ARHGEF37: variants seen among roughly 807,000 people sequenced by gnomAD.
ARHGEF37 encodes Rho guanine nucleotide exchange factor (GEF) 37.
A neutral mutation model predicts 71.1 loss-of-function variants in ARHGEF37; 55 were observed. The observed-to-expected ratio is 0.77, with a 90% CI of 0.62 to 0.97. The LOEUF (loss-of-function observed/expected upper bound fraction) is 0.97. Among genes scored for constraint, ARHGEF37 ranks in the 50% least tolerant of loss-of-function variants. The pLI, the probability that ARHGEF37 is intolerant of heterozygous loss-of-function variation, is 0.00. For synonymous variants in ARHGEF37, 327 were observed against 350.6 expected (o/e 0.93, Z 0.75); for missense variants, 765 against 836.8 (o/e 0.91, Z 1.06).
chr5:149,614,525 G>A (rs759963219), intron 4 of ARHGEF37, among the ~76,000 whole-genome samples: 3 of 152,174 alleles, frequency 2.0e-5, no homozygotes, highest in African/African-American at 7.2e-5. Context: ...AGGAAAGTAC[G>A]CGGTCATCTC....
intron 1 of ARHGEF37, among the ~76,000 whole-genome samples, chr5:149,553,534 G>A (rs1010262836): frequency 6.6e-6 from 1 of 152,022 alleles, no homozygotes; most frequent in Non-Finnish European, 1.5e-5. Context: ...GGATTCCTCA[G>A]CTTGAGGAGT....
At chr5:149,616,383 C>T (rs982564836) in intron 4 of ARHGEF37, among the ~76,000 whole-genome samples, 184 bp from the exon 5 acceptor site, 2 of 152,140 alleles carry the variant, frequency 1.3e-5, no homozygotes, top group Admixed American at 6.6e-5. Context: ...GGCCCAGAAC[C>T]GTCACTGCCT....
At chr5:149,578,141 G>A (rs558789201), upstream of ARHGEF37, among the ~76,000 whole-genome samples, 1 of 152,128 alleles carries the variant, frequency 6.6e-6, no homozygotes, top group Non-Finnish European at 1.5e-5. Context: ...TACTAATCCA[G>A]TTCTCTAGCC....
intron 1 of ARHGEF37, among the ~76,000 whole-genome samples, chr5:149,568,503 C>G (rs1431137379): frequency 6.6e-6 from 1 of 152,066 alleles, no homozygotes; most frequent in Non-Finnish European, 1.5e-5. Flanking sequence ...TTAACAAATG[C>G]ATGTACCCTT....
rs1762898793 is a variant in ARHGEF37, at chr5:149,566,396, C to T, written c.-12+14273C>T. Among the ~76,000 whole-genome samples the T allele has an allele frequency of 2.0e-5, 3 of 151,960 alleles. No individual in the cohort carries two copies. The South Asian group carries it at 6.2e-4, about 32-fold the overall frequency. ...CCTGTAATCCCAGCTACTCGGGAGG[C>T]TGAGGCAGGAGAATTCACTTGAGCC... On this transcript the variant is annotated intron_variant, in intron 1 of 2. Coordinates refer to the ARHGEF37 transcript ENST00000505810.
intron 3 of ARHGEF37, among the ~76,000 whole-genome samples, chr5:149,608,377 T>A (rs907727241): frequency 9.4e-5 from 14 of 149,532 alleles, no homozygotes; most frequent in South Asian, 2.1e-4. Context: ...GCAAACAAAT[T>A]TTTTTTTTTT....
At chr5:149,572,780 T>G (rs1762982900) in intron 1 of ARHGEF37, among the ~76,000 whole-genome samples, 1 of 152,218 alleles carries the variant, frequency 6.6e-6, no homozygotes, top group African/African-American at 2.4e-5. Flanking sequence ...GAAGGAATTC[T>G]GCCAAACTGA....
intron 1 of ARHGEF37, among the ~76,000 whole-genome samples, chr5:149,593,403 T>C (rs2895865): frequency 0.29 from 44,753 of 152,146 alleles, 7,077 homozygotes; most frequent in Admixed American, 0.44. Flanking sequence ...GGTCATTTCA[T>C]ATAAATGCAA....
intron 1 of ARHGEF37, among the ~76,000 whole-genome samples, chr5:149,552,838 A>AT (rs1762700888): frequency 6.6e-6 from 1 of 152,142 alleles, no homozygotes. Context: ...CAAAAAAAAA[A>AT]TAATTAATTA....
In ARHGEF37 at chr5:149,633,873, G is replaced by A. The variant is rs865943481; in HGVS notation, c.*1682G>A. 4 of 152,162 alleles carry A rather than the reference G, an allele frequency of 2.6e-5. No homozygotes were observed. Among genetic ancestry groups the A allele is most frequent in the African/African-American group, 7.2e-5 (3 of 41,452 alleles). The allele number at this position is 152,162 out of a possible 1,614,324, so 9.4% of individuals were successfully genotyped here. On this transcript the variant is annotated 3_prime_UTR_variant, in exon 13 of 13. Coordinates refer to ENST00000333677, the MANE Select transcript of ARHGEF37 (RefSeq NM_001001669.3). ...GACACAAGAGAAATGCAAGCCCTAC[G>A]GTTCCTTTCTCAGCAGCGAATTCAC...
chr5:149,598,263 C>CTCCTCTTCTTCTTCTTCTTCTTCTTCT (rs71587782), intron 2 of ARHGEF37, among the ~76,000 whole-genome samples: 3 of 67,692 alleles, frequency 4.4e-5, no homozygotes, highest in Non-Finnish European at 8.7e-5. Flanking sequence ...CTTAAACTGA[C>CTCCTCTTCTTCTTCTTCTTCTTCTTCT]TCTTCTTCTT....
At chr5:149,625,434 A>G (rs11741528) in intron 10 of ARHGEF37, among the ~76,000 whole-genome samples, 109,757 of 152,006 alleles carry the variant, frequency 0.72, 40,006 homozygotes, top group Middle Eastern at 0.87. Flanking sequence ...GAGATTCCCC[A>G]GAGGGAGAAT....
chr5:149,554,937 C>A (rs1414526569), intron 1 of ARHGEF37, among the ~76,000 whole-genome samples: 2 of 151,892 alleles, frequency 1.3e-5, no homozygotes, highest in African/African-American at 2.4e-5. Flanking sequence ...TCGAGACCAG[C>A]TGGCCAATAT....
At chr5:149,598,761 T>TAGATACATAG (rs1221841533) in intron 2 of ARHGEF37, among the ~76,000 whole-genome samples, 1 of 75,796 alleles carries the variant, frequency 1.3e-5, no homozygotes, top group African/African-American at 4.9e-5. Context: ...TATATATAGA[T>TAGATACATAG]ATAGATATAG....
intron 1 of ARHGEF37, among the ~76,000 whole-genome samples, chr5:149,562,794 T>C (rs1762850195): frequency 6.6e-6 from 1 of 152,216 alleles, no homozygotes; most frequent in South Asian, 2.1e-4. Flanking sequence ...ACACCACTGT[T>C]CTATGATGTA....
chr5:149,617,501 A>G (rs763415506), intron 5 of ARHGEF37, among the ~76,000 whole-genome samples: 3 of 152,244 alleles, frequency 2.0e-5, no homozygotes, highest in Non-Finnish European at 4.4e-5. Flanking sequence ...AATGTTTACT[A>G]AGGGCTAGCT....
intron 1 of ARHGEF37, among the ~76,000 whole-genome samples, chr5:149,560,243 G>C (rs1406275162): frequency 6.6e-6 from 1 of 152,090 alleles, no homozygotes; most frequent in Non-Finnish European, 1.5e-5. Flanking sequence ...AGCCTCCCAA[G>C]TAGTTGGGAT....
At chr5:149,624,302 G>A (rs4320246) in intron 10 of ARHGEF37, among the ~76,000 whole-genome samples, 162 bp downstream of exon 10, 10,847 of 152,122 alleles carry the variant, frequency 0.071, 1,269 homozygotes, top group African/African-American at 0.24. Flanking sequence ...GAGCTGGGGT[G>A]GGGGGACACA....
intron 3 of ARHGEF37, among the ~76,000 whole-genome samples, chr5:149,608,463 C>G (rs1290503498): frequency 6.6e-6 from 1 of 151,880 alleles, no homozygotes; most frequent in Admixed American, 6.6e-5. Flanking sequence ...CTCCGCCTCC[C>G]AGGTTCAAGC....
Sources: gnomAD v4.1 joint callset for allele counts (sites outside exome capture counted in the v4.1 genomes callset) on GRCh38, gnomAD v4.1.1 for gene constraint, MANE v1.5 for transcripts, NCBI Gene and HGNC (gene_info 2026-07-23, HGNC 2026-07-21) for gene names.